Variants in POGLUT2 observed in about 807,000 individuals in gnomAD.
POGLUT2 encodes the protein protein O-glucosyltransferase 2.
In POGLUT2, 47 loss-of-function variants were observed where a neutral mutation model predicts 57.6. That is an observed-to-expected ratio of 0.82 (90% CI 0.65 to 1.04). The LOEUF is 1.04. Among genes scored for constraint, POGLUT2 ranks in the 50% least tolerant of loss-of-function variants. POGLUT2 has a pLI of 0.00. For missense variants in POGLUT2, 565 were observed against 614.8 expected (o/e 0.92, Z 0.86); for synonymous variants, 200 against 218.8 (o/e 0.91, Z 0.76).
intron 4 of POGLUT2, among the ~76,000 whole-genome samples, chr13:102,791,823 T>A (rs1344295612): frequency 6.6e-6 from 1 of 152,196 alleles, no homozygotes; most frequent in Non-Finnish European, 1.5e-5. Context: ...GGATTTGAAC[T>A]CAGGAAGCCC....
In POGLUT2 at chr13:102,798,507, A is replaced by C. The variant is rs1331034164; in HGVS notation, c.164T>G (p.Val55Gly). 6.2e-7 allele frequency: 1 copy of C among 1,609,966 alleles called. No homozygotes were observed. Among genetic ancestry groups the C allele is most frequent in the South Asian group, 1.1e-5 (1 of 90,528 alleles). The change falls in exon 1 of 10, where the codon GTG (valine) becomes GGG (glycine). Residue 55 changes from valine to glycine, a missense_variant. By Grantham distance (109) the Val-to-Gly change is moderately radical (BLOSUM62 -3). Transcript: ENST00000376004. ...LPARYFYIQAVDTSGNKFTSS... is the reference protein window; with the variant it reads ...LPARYFYIQAGDTSGNKFTSS... ...GACTTACTTATTCCCTGATGTATCC[A>C]CTGCCTGAATATAGAAATAGCGGGC...
intron 9 of POGLUT2, among the ~76,000 whole-genome samples, chr13:102,785,479 CACACA>C: frequency 6.6e-6 from 1 of 151,582 alleles, no homozygotes; most frequent in South Asian, 2.1e-4. Flanking sequence ...CACACACACA[CACACA>C]CACACACTCT....
chr13:102,796,682 G>GT (rs201086567), intron 2 of POGLUT2, 122 bp downstream of exon 2: 11,035 of 148,494 alleles, frequency 0.074, 575 homozygotes, highest in East Asian at 0.25. Flanking sequence ...TCTTCTTTCA[G>GT]TAAAAAAAAA....
intron 8 of POGLUT2, among the ~76,000 whole-genome samples, chr13:102,787,568 A>T (rs1313100924): frequency 6.6e-6 from 1 of 152,238 alleles, no homozygotes; most frequent in Non-Finnish European, 1.5e-5. Flanking sequence ...GTAACTTTGT[A>T]GGATCAGAGG....
In POGLUT2 at chr13:102,798,632, C is replaced by T. The variant is rs750794605; in HGVS notation, c.39G>A (p.Ala13=). ...GTLLLYCFFL[A]TVPALAETGG... ...CGGTCTCGGCGAGTGCTGGAACTGTCGCCAGAAAGAAGCAATAAAGTAGCA... is the reference window on the plus strand; with the variant it reads ...CGGTCTCGGCGAGTGCTGGAACTGTTGCCAGAAAGAAGCAATAAAGTAGCA... The change falls in exon 1 of 10, where the codon GCG becomes GCA. Residue 13 remains alanine, a synonymous_variant. Transcript: ENST00000376004. 43 of 1,608,840 alleles carry T rather than the reference C, an allele frequency of 2.7e-5. No individual in the cohort carries two copies. Among genetic ancestry groups the T allele is most frequent in the Non-Finnish European group, 3.4e-5 (40 of 1,178,114 alleles).
intron 2 of POGLUT2, 97 bp downstream of exon 2, chr13:102,796,697 AAAATATATAT>A: frequency 2.9e-5 from 4 of 138,578 alleles, no homozygotes; most frequent in Non-Finnish European, 3.9e-5. Context: ...AAAAAAAAAA[AAAATATATAT>A]ATATATATAT....
chr13:102,788,593 T>C (rs959505335), intron 7 of POGLUT2, among the ~76,000 whole-genome samples: 9 of 152,162 alleles, frequency 5.9e-5, no homozygotes, highest in African/African-American at 1.7e-4. Context: ...TTCAAGTGAT[T>C]CTCCTGCCTC....
At chr13:102,791,609 A>G (rs1193112801) in intron 4 of POGLUT2, among the ~76,000 whole-genome samples, 179 bp from the exon 5 acceptor site, 1 of 152,240 alleles carries the variant, frequency 6.6e-6, no homozygotes, top group African/African-American at 2.4e-5. Flanking sequence ...ATGTATAAGT[A>G]TTCTATGCTC....
At chr13:102,791,984 A>G in intron 4 of POGLUT2, 1 of 1,289,138 alleles carries the variant, frequency 7.8e-7, no homozygotes, top group Non-Finnish European at 1.0e-6. Context: ...AAGGCCAGAA[A>G]AGCACTGACC....
In POGLUT2 at chr13:102,784,329, T is replaced by G; in HGVS notation, c.*166A>C. On this transcript the variant is annotated 3_prime_UTR_variant, in exon 10 of 10. Coordinates refer to ENST00000376004, the MANE Select transcript of POGLUT2 (RefSeq NM_024089.3). The stretch of plus-strand genomic sequence containing the variant: ...ATTATAAAATTCTAAAAATGTACTT[T>G]AAAGTACAGTCATGAGAATACTGCA... 1 of 523,168 alleles carries G rather than the reference T, an allele frequency of 1.9e-6. No individual in the cohort carries two copies. Among genetic ancestry groups the G allele is most frequent in the Non-Finnish European group, 3.5e-6 (1 of 287,954 alleles). 32.4% of individuals were successfully genotyped at this position (523,168 alleles called of 1,614,324 possible).
intron 2 of POGLUT2, among the ~76,000 whole-genome samples, chr13:102,795,579 A>C (rs1381484268): frequency 6.6e-6 from 1 of 152,182 alleles, no homozygotes; most frequent in East Asian, 1.9e-4. Flanking sequence ...AACGGCAACA[A>C]AAAGAAGCAA....
At position 102,789,069 on chromosome 13, in the gene POGLUT2, C is replaced by G. The variant is rs780062314; in HGVS notation, c.1236G>C (p.Lys412Asn). ...TTTCTAGCAGATCGCTCAGGTTGCTCTTAACTGGAATGTAGTGTTTCCAGG... is the reference window on the plus strand; with the variant it reads ...TTTCTAGCAGATCGCTCAGGTTGCTGTTAACTGGAATGTAGTGTTTCCAGG... ...LQPWKHYIPV[K>N]SNLSDLLEKL... Residue 412 changes from lysine (K) to asparagine (N), a missense_variant, in exon 7 of 10, where the codon AAG (lysine) becomes AAC (asparagine). Physicochemically the swap from Lys to Asn is moderately conservative, Grantham distance 94. Transcript: ENST00000376004. 4.3e-6 allele frequency: 7 copies of G among 1,614,164 alleles called. No individual in the cohort carries two copies. The Admixed American group carries it at 5.0e-5, about 12-fold the overall frequency.
chr13:102,785,222 A>C (rs1260663145), intron 9 of POGLUT2, among the ~76,000 whole-genome samples: 3 of 152,190 alleles, frequency 2.0e-5, no homozygotes, highest in African/African-American at 7.2e-5. Flanking sequence ...AAGCTACCAA[A>C]AATTTAACTA....
chr13:102,796,209 C>T (rs1208854485), intron 2 of POGLUT2, among the ~76,000 whole-genome samples: 6 of 150,644 alleles, frequency 4.0e-5, no homozygotes, highest in South Asian at 2.1e-4. Context: ...GCAGGATAAT[C>T]GCTTGAACCC....
At chr13:102,788,897 A>G (rs1273014422) in intron 7 of POGLUT2, 115 bp downstream of exon 7, 1 of 904,824 alleles carries the variant, frequency 1.1e-6, no homozygotes, top group Non-Finnish European at 1.8e-6. Context: ...TCCCATTTAC[A>G]GGCCAAAGTC....
At chr13:102,796,408 C>A (rs947845729) in intron 2 of POGLUT2, among the ~76,000 whole-genome samples, 7 of 151,064 alleles carry the variant, frequency 4.6e-5, no homozygotes, top group African/African-American at 1.7e-4. Flanking sequence ...CGCTCCTTGT[C>A]TTTCGAGCTA....
chr13:102,787,044 T>G (rs9514055), intron 8 of POGLUT2, among the ~76,000 whole-genome samples: 112,434 of 151,586 alleles, frequency 0.74, 42,627 homozygotes, highest in South Asian at 0.84. Context: ...GTTTTTTTTT[T>G]TTTGTTTGTT....
Position 102,786,314 on chromosome 13 carries a change from T to C in POGLUT2, c.1409A>G (p.Glu470Gly). 6.2e-7 allele frequency: 1 copy of C among 1,613,554 alleles called. No homozygotes were observed. The highest frequency in any genetic ancestry group is 8.5e-7 in the Non-Finnish European group (1 of 1,179,436). ...TTTCATGCCCTCTCGGATTTGGGGC[T>C]CACTCACTTGTAAATTGGCATATTC... ...FQEYANLQVS[E>G]PQIREGMKRV... Residue 470 changes from glutamate (E) to glycine (G), a missense_variant, in exon 9 of 10, where the codon GAG becomes GGG. By Grantham distance (98) the Glu-to-Gly change is moderately conservative (BLOSUM62 -2). Coordinates refer to ENST00000376004, the MANE Select transcript of POGLUT2 (RefSeq NM_024089.3).
At chr13:102,791,864 C>T (rs1330957267) in intron 4 of POGLUT2, 1 of 629,658 alleles carries the variant, frequency 1.6e-6, no homozygotes, top group African/African-American at 1.9e-5. Context: ...AAGTTTCAAG[C>T]TATGCTTCCT....
Sources: gnomAD v4.1 joint callset for allele counts (sites outside exome capture counted in the v4.1 genomes callset) on GRCh38, gnomAD v4.1.1 for gene constraint, MANE v1.5 for transcripts, NCBI Gene and HGNC (gene_info 2026-07-23, HGNC 2026-07-21) for gene names.